TMCO4: variants seen among roughly 807,000 people sequenced by gnomAD.
TMCO4 encodes the protein transmembrane and coiled-coil domain-containing protein 4.
Under a neutral mutation model 64.7 loss-of-function variants are expected in TMCO4, and 58 were observed. That is an observed-to-expected ratio of 0.90 (90% CI 0.73 to 1.12). The LOEUF is 1.12. Among genes scored for constraint, TMCO4 ranks in the 50% most tolerant of loss-of-function variants. The pLI is 0.00. For missense variants in TMCO4, 780 were observed against 825.9 expected (o/e 0.94, Z 0.68); for synonymous variants, 325 against 346.1 (o/e 0.94, Z 0.68).
At chr1:19,719,619 C>A (rs2095372391) in intron 13 of TMCO4, among the ~76,000 whole-genome samples, 1 of 152,056 alleles carries the variant, frequency 6.6e-6, no homozygotes, top group Non-Finnish European at 1.5e-5. Flanking sequence ...ACCTTGAGCT[C>A]CTGGGCTCAA....
In TMCO4 at chr1:19,721,286, T is replaced by C. The variant is rs535519587; in HGVS notation, c.1264+16086A>G. On this transcript the variant is annotated intron_variant, in intron 13 of 15. Transcript: ENST00000294543. Reference sequence around the variant, plus strand: ...GGAAAAGATACGCTCCTGCAGACTATTCTCTCCATATACACCTGTGCTCAC... The same window carrying C: ...GGAAAAGATACGCTCCTGCAGACTACTCTCTCCATATACACCTGTGCTCAC... Among the ~76,000 whole-genome samples, 811 of 139,512 alleles carry C rather than the reference T, an allele frequency of 5.8e-3. 4 individuals carry two copies. Among genetic ancestry groups the C allele is most frequent in the African/African-American group, 0.023 (762 of 33,066 alleles). The allele number at this position is 139,512 out of a possible 152,430, so 91.5% of individuals were successfully genotyped here. A position where few individuals can be genotyped will look rare whatever the true frequency, so the allele number is the denominator to read the frequency against.
chr1:19,741,555 G>A (rs531134780), intron 10 of TMCO4, among the ~76,000 whole-genome samples: 1 of 152,200 alleles, frequency 6.6e-6, no homozygotes, highest in African/African-American at 2.4e-5. Flanking sequence ...ACGGAAGGAG[G>A]ATGAGACAGC....
At chr1:19,739,730 G>C in intron 12 of TMCO4, 94 bp downstream of exon 12, 1 of 1,513,328 alleles carries the variant, frequency 6.6e-7, no homozygotes, top group Non-Finnish European at 8.8e-7. Flanking sequence ...TTATCTCCAA[G>C]TAGCCTTGCC....
intron 4 of TMCO4, among the ~76,000 whole-genome samples, chr1:19,777,407 G>T (rs1270557816): frequency 1.3e-5 from 2 of 151,238 alleles, no homozygotes; most frequent in African/African-American, 4.9e-5. Context: ...GAGTGCAGTG[G>T]CACGATCACA....
chr1:19,754,488 T>A (rs2042156504), intron 7 of TMCO4, among the ~76,000 whole-genome samples: 1 of 152,006 alleles, frequency 6.6e-6, no homozygotes, highest in South Asian at 2.1e-4. Flanking sequence ...GGCATGAGGG[T>A]GGCTCTGGGT....
At chr1:19,691,439 C>A (rs549339031) in intron 15 of TMCO4, among the ~76,000 whole-genome samples, 1 of 152,308 alleles carries the variant, frequency 6.6e-6, no homozygotes, top group East Asian at 1.9e-4. Context: ...ACTTTATGGA[C>A]AGCAGCACCT....
intron 13 of TMCO4, among the ~76,000 whole-genome samples, chr1:19,737,085 T>C (rs2095458124): frequency 6.6e-6 from 1 of 152,196 alleles, no homozygotes; most frequent in South Asian, 2.1e-4. Flanking sequence ...TAATTTTGAA[T>C]TTCTTGTCCC....
At chr1:19,708,504 G>GT (rs1021547183) in intron 13 of TMCO4, among the ~76,000 whole-genome samples, 8 of 151,946 alleles carry the variant, frequency 5.3e-5, no homozygotes, top group Non-Finnish European at 1.0e-4. Flanking sequence ...TTTAAATTAA[G>GT]TTTTTTGTGA....
intron 15 of TMCO4, among the ~76,000 whole-genome samples, chr1:19,685,720 T>C (rs1344950437): frequency 7.1e-6 from 1 of 140,540 alleles, no homozygotes; most frequent in East Asian, 2.0e-4. Flanking sequence ...CTTTTTTTTT[T>C]TTTTTTTTTT....
chr1:19,765,626 A>T (rs1393743637), intron 6 of TMCO4, among the ~76,000 whole-genome samples: 2 of 152,086 alleles, frequency 1.3e-5, no homozygotes, highest in African/African-American at 4.8e-5. Flanking sequence ...GCTCAGATTT[A>T]GTTTAACTTT....
intron 9 of TMCO4, among the ~76,000 whole-genome samples, 161 bp from the exon 10 acceptor site, chr1:19,745,812 T>C (rs72658511): frequency 6.6e-6 from 1 of 152,316 alleles, no homozygotes; most frequent in Non-Finnish European, 1.5e-5. Flanking sequence ...TAGGTGCCAC[T>C]ATTGTCCCTG....
Position 19,684,011 on chromosome 1 carries a change from C to T in TMCO4, c.1501-567G>A, listed in dbSNP as rs187831879. 3.5e-4 allele frequency among the ~76,000 whole-genome samples: 53 copies of T among 149,382 alleles called. No homozygotes were observed. The East Asian group carries it at 9.4e-3, about 27-fold the overall frequency. On this transcript the variant is annotated intron_variant, in intron 15 of 15. Coordinates refer to ENST00000294543, the MANE Select transcript of TMCO4 (RefSeq NM_181719.7). ...TCCTGGCCTCAAGTGATCCACTGGC[C>T]TTAGCCTCCCAAAGTGTTGGGATTA... is the stretch of plus-strand genomic sequence containing the variant.
chr1:19,774,988 G>A (rs928016952), intron 4 of TMCO4, among the ~76,000 whole-genome samples: 1 of 152,158 alleles, frequency 6.6e-6, no homozygotes, highest in African/African-American at 2.4e-5. Flanking sequence ...GCCACTCACT[G>A]AGCAAGGGCA....
intron 12 of TMCO4, 88 bp downstream of exon 12, chr1:19,739,736 T>G (rs2095470488): frequency 6.6e-7 from 1 of 1,526,374 alleles, no homozygotes; most frequent in Non-Finnish European, 8.8e-7. Flanking sequence ...CCAAGTAGCC[T>G]TGCCTCTAAG....
chr1:19,798,340 G>A (rs952489250), intron 1 of TMCO4, 125 bp from the exon 2 acceptor site: 1 of 152,416 alleles, frequency 6.6e-6, no homozygotes, highest in African/African-American at 2.4e-5. Flanking sequence ...TACCAGAGTA[G>A]AGAGAGATGG....
At chr1:19,783,961 C>T (rs557510343) in intron 3 of TMCO4, among the ~76,000 whole-genome samples, 1 of 152,200 alleles carries the variant, frequency 6.6e-6, no homozygotes, top group Admixed American at 6.5e-5. Flanking sequence ...ACAGGGGCAA[C>T]AGCATAAACC....
intron 13 of TMCO4, among the ~76,000 whole-genome samples, chr1:19,704,993 C>T (rs892334181): frequency 2.0e-5 from 3 of 152,156 alleles, no homozygotes; most frequent in Non-Finnish European, 4.4e-5. Context: ...TAAAGATTTG[C>T]TCTCTTTGTC....
chr1:19,748,036 G>C (rs2041866580), intron 7 of TMCO4, among the ~76,000 whole-genome samples: 1 of 152,100 alleles, frequency 6.6e-6, no homozygotes, highest in Non-Finnish European at 1.5e-5. Context: ...CTTTACCAAG[G>C]GCTTCTTATA....
rs533832430 is a variant in TMCO4 at position 19,758,442 on chromosome 1, T to C, written c.383-2676A>G. ...GATGATTAATTGGTGGCAATGATAA[T>C]TAGTTGCTAATACATACTCCACTGG... On this transcript the variant is annotated intron_variant, in intron 6 of 15. Coordinates refer to ENST00000294543, the MANE Select transcript of TMCO4 (RefSeq NM_181719.7). Among the ~76,000 whole-genome samples the C allele has an allele frequency of 2.6e-5, 4 of 152,328 alleles. No homozygotes were observed. The South Asian group carries it at 8.3e-4, about 32-fold the overall frequency.
Sources: gnomAD v4.1 joint callset for allele counts (sites outside exome capture counted in the v4.1 genomes callset) on GRCh38, gnomAD v4.1.1 for gene constraint, MANE v1.5 for transcripts, NCBI Gene and HGNC (gene_info 2026-07-23, HGNC 2026-07-21) for gene names.